The following BRINP2 variants were observed in gnomAD, a reference collection of about 807,000 sequenced individuals.
The protein encoded by BRINP2 is BMP/retinoic acid inducible neural specific 2, also known as BMP/retinoic acid-inducible neural-specific protein 2.
Under a neutral mutation model 69.2 loss-of-function variants are expected in BRINP2, and 21 were observed. The ratio of observed to expected loss-of-function variants is 0.30; its 90% CI spans 0.22 to 0.44. BRINP2 has a LOEUF of 0.44. Among genes scored for constraint, BRINP2 ranks in the 20% least tolerant of loss-of-function variants. The pLI is 1.00. For synonymous variants in BRINP2, 380 were observed against 394.1 expected (o/e 0.96, Z 0.42); for missense variants, 877 against 986.0 (o/e 0.89, Z 1.48).
chr1:177,237,019 G>T (rs898234807), intron 2 of BRINP2, among the ~76,000 whole-genome samples: 2 of 152,068 alleles, frequency 1.3e-5, no homozygotes, highest in African/African-American at 4.8e-5. Flanking sequence ...GAGAAATTAG[G>T]ACCAAAAGCA....
intron 4 of BRINP2, among the ~76,000 whole-genome samples, chr1:177,257,846 C>T (rs959235528): frequency 2.0e-5 from 3 of 152,072 alleles, no homozygotes; most frequent in African/African-American, 4.8e-5. Context: ...GAGAAGTGAG[C>T]GGAAAGTGTT....
chr1:177,181,863 G>A (rs1648262333), intron 1 of BRINP2, among the ~76,000 whole-genome samples: 1 of 152,212 alleles, frequency 6.6e-6, no homozygotes, highest in Admixed American at 6.5e-5. Flanking sequence ...ACCCCTAGAG[G>A]CGAAAAGCTG....
At chr1:177,173,120 T>C (rs1489476363) in intron 1 of BRINP2, among the ~76,000 whole-genome samples, 1 of 152,122 alleles carries the variant, frequency 6.6e-6, no homozygotes, top group Non-Finnish European at 1.5e-5. Context: ...CACACAGTTG[T>C]GTGTATGTTA....
At chr1:177,194,482 G>A (rs1415033745) in intron 1 of BRINP2, among the ~76,000 whole-genome samples, 2 of 152,188 alleles carry the variant, frequency 1.3e-5, no homozygotes, top group Non-Finnish European at 2.9e-5. Context: ...GGACATCCAT[G>A]TTTTAAATGG....
chr1:177,250,776 A>T (rs754995914), intron 2 of BRINP2, among the ~76,000 whole-genome samples: 1 of 152,214 alleles, frequency 6.6e-6, no homozygotes, highest in Non-Finnish European at 1.5e-5. Context: ...AGAGTTTCAC[A>T]GGTGGAGGTA....
At chr1:177,180,642 GC>G (rs1193460051) in intron 1 of BRINP2, among the ~76,000 whole-genome samples, 2 of 152,054 alleles carry the variant, frequency 1.3e-5, no homozygotes, top group Non-Finnish European at 2.9e-5. Flanking sequence ...TAAAAGGGGA[GC>G]TCTCTCGTTG....
chr1:177,217,059 G>A (rs1431366391), intron 1 of BRINP2, among the ~76,000 whole-genome samples: 3 of 151,436 alleles, frequency 2.0e-5, no homozygotes, highest in African/African-American at 7.3e-5. Flanking sequence ...GATTAGAGAC[G>A]TTTTCATCCA....
At chr1:177,272,906 C>A (rs1011951775) in intron 4 of BRINP2, among the ~76,000 whole-genome samples, 1 of 152,202 alleles carries the variant, frequency 6.6e-6, no homozygotes. Context: ...TGAAATATTA[C>A]ATGGCTATAA....
Position 177,273,566 on chromosome 1 carries a change from A to G in BRINP2, c.748A>G (p.Ser250Gly), listed in dbSNP as rs745968445. The G allele has an allele frequency of 6.2e-7, 1 of 1,602,562 alleles. No individual in the cohort carries two copies. The highest frequency in any genetic ancestry group is 8.5e-7 in the Non-Finnish European group (1 of 1,173,906). The change falls in exon 5 of 8, where the codon AGT becomes GGT. Residue 250 changes from serine to glycine, a missense_variant. Physicochemically the swap from Ser to Gly is moderately conservative, Grantham distance 56. Transcript: ENST00000361539. ...LDSVSSVLVQ[S>G]PENKVQLLGL... Reference sequence around the variant, plus strand: ...CTCAGTCAGTTCTGTCTTGGTACAGAGTCCAGAGAACAAAGTACAGTTACT... The same window carrying G: ...CTCAGTCAGTTCTGTCTTGGTACAGGGTCCAGAGAACAAAGTACAGTTACT...
intron 1 of BRINP2, among the ~76,000 whole-genome samples, chr1:177,221,119 A>G (rs1649519120): frequency 6.6e-6 from 1 of 152,176 alleles, no homozygotes; most frequent in South Asian, 2.1e-4. Context: ...TGTTAGATTT[A>G]TAGGTCATGT....
chr1:177,255,613 T>C (rs879761226), intron 2 of BRINP2, among the ~76,000 whole-genome samples: 4 of 152,254 alleles, frequency 2.6e-5, no homozygotes, highest in Admixed American at 2.0e-4. Context: ...TTTTTTCTAC[T>C]ACTCAACACT....
At chr1:177,211,861 G>A (rs1649230084) in intron 1 of BRINP2, among the ~76,000 whole-genome samples, 1 of 152,090 alleles carries the variant, frequency 6.6e-6, no homozygotes, top group South Asian at 2.1e-4. Context: ...TTATCCCATC[G>A]TTTGGCAGTG....
At chr1:177,226,860 GTGGCCCCCATAAGCAGTTCACCATA>G (rs375522541) in intron 1 of BRINP2, among the ~76,000 whole-genome samples, 3,018 of 152,204 alleles carry the variant, frequency 0.02, 109 homozygotes, top group African/African-American at 0.07. Flanking sequence ...TCATAGCCAT[GTGGCCCCCATAAGCAGTTCACCATA>G]TGGCTGTTTG....
intron 1 of BRINP2, among the ~76,000 whole-genome samples, chr1:177,203,483 A>AT (rs1189671447): frequency 6.6e-6 from 1 of 152,176 alleles, no homozygotes; most frequent in Non-Finnish European, 1.5e-5. Flanking sequence ...TATAATAACG[A>AT]TAAAAAAATA....
chr1:177,273,782 G>A (rs1651410123), intron 5 of BRINP2, among the ~76,000 whole-genome samples, 189 bp downstream of exon 5: 1 of 152,138 alleles, frequency 6.6e-6, no homozygotes, highest in Admixed American at 6.5e-5. Flanking sequence ...CTTCTGGTAT[G>A]GTTTGTCCTA....
At chr1:177,185,316 C>T (rs930730749) in intron 1 of BRINP2, among the ~76,000 whole-genome samples, 1 of 152,116 alleles carries the variant, frequency 6.6e-6, no homozygotes, top group South Asian at 2.1e-4. Flanking sequence ...TCCAATATAT[C>T]TTGACCTTGA....
Position 177,276,231 on chromosome 1 carries a change from A to T in BRINP2, c.809A>T (p.Glu270Val). 1 of 1,614,070 alleles carries T rather than the reference A, an allele frequency of 6.2e-7. No individual in the cohort carries two copies. Among genetic ancestry groups the T allele is most frequent in the Non-Finnish European group, 8.5e-7 (1 of 1,179,994 alleles). Reference protein sequence around the residue: ...LQVLLPEYLRERFVAAALSYI... With the variant: ...LQVLLPEYLRVRFVAAALSYI... ...GTGCTGCTGCCTGAGTATCTGCGTG[A>T]GCGCTTTGTAGCTGCAGCACTCAGC... Residue 270 changes from glutamate (E) to valine (V), a missense_variant, in exon 6 of 8, where the codon GAG becomes GTG. Physicochemically the swap from Glu to Val is moderately radical, Grantham distance 121 (BLOSUM62 -2). Coordinates refer to ENST00000361539, the MANE Select transcript of BRINP2 (RefSeq NM_021165.4).
intron 2 of BRINP2, among the ~76,000 whole-genome samples, chr1:177,242,563 C>A (rs758473838): frequency 1.3e-5 from 2 of 152,152 alleles, no homozygotes; most frequent in African/African-American, 2.4e-5. Context: ...AAATTATCAT[C>A]GCCATATGAA....
intron 1 of BRINP2, among the ~76,000 whole-genome samples, chr1:177,222,285 A>C (rs1474284539): frequency 6.6e-6 from 1 of 152,210 alleles, no homozygotes; most frequent in East Asian, 1.9e-4. Context: ...AACACACAGC[A>C]CTCACCATGG....
Sources: gnomAD v4.1 joint callset for allele counts (sites outside exome capture counted in the v4.1 genomes callset) on GRCh38, gnomAD v4.1.1 for gene constraint, MANE v1.5 for transcripts, NCBI Gene and HGNC (gene_info 2026-07-23, HGNC 2026-07-21) for gene names.